The following DIAPH2 variants were observed in gnomAD, a reference collection of about 807,000 sequenced individuals.
The protein encoded by DIAPH2 is protein diaphanous homolog 2.
In DIAPH2, 35 loss-of-function variants were observed where a neutral mutation model predicts 92.7. The ratio of observed to expected loss-of-function variants is 0.38; its 90% CI spans 0.29 to 0.50. The LOEUF (loss-of-function observed/expected upper bound fraction) is 0.50, where lower values mean the gene tolerates loss of function less well. DIAPH2 is among the 20% of genes least tolerant of loss of function. The pLI is 0.94. For synonymous variants in DIAPH2, 301 were observed against 280.4 expected, an observed-to-expected ratio of 1.07 and a Z score of -0.73; for missense variants, 701 against 819.5, an observed-to-expected ratio of 0.86 and a Z score of 1.77.
At chrX:96,831,669 A>G (rs188477952) in intron 4 of DIAPH2, among the ~76,000 whole-genome samples, 1 of 112,438 alleles carries the variant, frequency 8.9e-6, no homozygotes, top group African/African-American at 3.2e-5. Context: ...TTATGAAACC[A>G]TCTCAGTGAA....
chrX:96,873,900 A>C (rs2065161379), intron 4 of DIAPH2, among the ~76,000 whole-genome samples: 1 of 111,511 alleles, frequency 9.0e-6, no homozygotes, highest in Non-Finnish European at 1.9e-5. Context: ...TCCAATATCT[A>C]AAAATAGTTT....
intron 22 of DIAPH2, among the ~76,000 whole-genome samples, chrX:97,214,339 C>T (rs1371783611): frequency 1.8e-5 from 2 of 110,942 alleles, no homozygotes; most frequent in Non-Finnish European, 3.8e-5. Context: ...CATGGTGGCA[C>T]GCACCTCTAC....
intron 1 of DIAPH2, among the ~76,000 whole-genome samples, chrX:96,700,878 C>G (rs1003915195): frequency 2.7e-5 from 3 of 111,826 alleles, no homozygotes; most frequent in Non-Finnish European, 5.6e-5. Flanking sequence ...TCAGTGACTC[C>G]TTCTCATTCA....
intron 22 of DIAPH2, among the ~76,000 whole-genome samples, chrX:97,162,437 G>C (rs1289361462): frequency 8.9e-6 from 1 of 111,735 alleles, no homozygotes; most frequent in Non-Finnish European, 1.9e-5. Flanking sequence ...CTGTCATATA[G>C]TAAATTTTGA....
intron 19 of DIAPH2, among the ~76,000 whole-genome samples, chrX:97,080,280 T>G (rs1403256697): frequency 4.8e-5 from 5 of 104,976 alleles, no homozygotes; most frequent in African/African-American, 1.7e-4. Flanking sequence ...CCTCCCTCCC[T>G]TCTTTTCTTC....
At chrX:97,183,221 A>T (rs1412284386) in intron 22 of DIAPH2, among the ~76,000 whole-genome samples, 1 of 111,605 alleles carries the variant, frequency 9.0e-6, no homozygotes. Context: ...TCTCCAGGAA[A>T]TATCTATCCT....
At chrX:97,257,065 T>C (rs184132081) in intron 23 of DIAPH2, among the ~76,000 whole-genome samples, 34 of 111,065 alleles carry the variant, frequency 3.1e-4, no homozygotes, top group Admixed American at 2.9e-3. Flanking sequence ...AATCATGCTG[T>C]CTTTTATGTT....
chrX:97,207,323 AAGTACTCATTCAGC>A (rs1201102931), intron 22 of DIAPH2, among the ~76,000 whole-genome samples: 1 of 111,883 alleles, frequency 8.9e-6, no homozygotes, highest in Non-Finnish European at 1.9e-5. Flanking sequence ...GTTAGATTGA[AAGTACTCATTCAGC>A]AAGCATTTTA....
At chrX:97,326,807 G>T (rs1434097606) in intron 23 of DIAPH2, among the ~76,000 whole-genome samples, 1 of 112,315 alleles carries the variant, frequency 8.9e-6, no homozygotes, top group Non-Finnish European at 1.9e-5. Context: ...CATGGTAATT[G>T]ATGCACACCT....
chrX:97,154,424 A>G, intron 22 of DIAPH2, among the ~76,000 whole-genome samples: 1 of 112,086 alleles, frequency 8.9e-6, no homozygotes, highest in South Asian at 3.7e-4. Context: ...AGCAGTATAA[A>G]CCTTGGTAAT....
chrX:97,352,049 G>C (rs1183574698), intron 24 of DIAPH2, among the ~76,000 whole-genome samples: 1 of 110,804 alleles, frequency 9.0e-6, no homozygotes, highest in African/African-American at 3.3e-5. Flanking sequence ...ATCGCCAGAA[G>C]TTCCCATTTT....
intron 22 of DIAPH2, among the ~76,000 whole-genome samples, chrX:97,184,599 G>C (rs1322437980): frequency 9.0e-6 from 1 of 111,353 alleles, no homozygotes; most frequent in Non-Finnish European, 1.9e-5. Context: ...TTGCAAATGT[G>C]CCTCTGGTGC....
chrX:97,411,366 C>G (rs1187474531), intron 25 of DIAPH2, among the ~76,000 whole-genome samples: 1 of 111,887 alleles, frequency 8.9e-6, no homozygotes, highest in Non-Finnish European at 1.9e-5. Context: ...GAGATTGTGT[C>G]ACCACCAGCC....
chrX:97,515,678 T>G (rs2070941114), intron 26 of DIAPH2, among the ~76,000 whole-genome samples: 1 of 111,407 alleles, frequency 9.0e-6, no homozygotes, highest in Admixed American at 9.5e-5. Flanking sequence ...TTCTTTTCTG[T>G]GTCCTTGTAT....
chrX:96,965,240 A>G, intron 17 of DIAPH2, 33 bp downstream of exon 17: 1 of 1,047,025 alleles, frequency 9.6e-7, no homozygotes, highest in East Asian at 3.6e-5. Flanking sequence ...TAAGTTCCCG[A>G]TTCAGGTACA....
chrX:97,154,974 T>C (rs2067311498), intron 22 of DIAPH2, among the ~76,000 whole-genome samples: 1 of 112,160 alleles, frequency 8.9e-6, no homozygotes, highest in Admixed American at 9.5e-5. Context: ...TAGAACATTT[T>C]CGTAGGAAAA....
intron 22 of DIAPH2, among the ~76,000 whole-genome samples, chrX:97,204,479 G>C (rs1383347514): frequency 1.8e-5 from 2 of 111,778 alleles, no homozygotes; most frequent in African/African-American, 3.3e-5. Flanking sequence ...AAAGTCTCAG[G>C]ATACAAAATC....
At chrX:96,826,349 A>G (rs953999464) in intron 4 of DIAPH2, among the ~76,000 whole-genome samples, 10 of 110,385 alleles carry the variant, frequency 9.1e-5, no homozygotes, top group Non-Finnish European at 1.9e-4. Context: ...CCCAGGAGGC[A>G]GAGGTGGTAG....
At chrX:97,112,597 GC>G (rs1268513150) in intron 20 of DIAPH2, among the ~76,000 whole-genome samples, 3 of 109,071 alleles carry the variant, frequency 2.8e-5, no homozygotes, top group Non-Finnish European at 5.7e-5. Flanking sequence ...CACTTCTGCG[GC>G]CTTTACCTGG....
Sources: gnomAD v4.1 joint callset for allele counts (sites outside exome capture counted in the v4.1 genomes callset) on GRCh38, gnomAD v4.1.1 for gene constraint, MANE v1.5 for transcripts, NCBI Gene and HGNC (gene_info 2026-07-23, HGNC 2026-07-21) for gene names.